Variants in ZC3H13 observed in about 807,000 individuals in gnomAD.
ZC3H13 encodes zinc finger CCCH domain-containing protein 13.
A neutral mutation model predicts 204.1 loss-of-function variants in ZC3H13; 64 were observed. The ratio of observed to expected loss-of-function variants is 0.31; its 90% CI spans 0.26 to 0.39. The LOEUF is 0.39. Ranked by LOEUF, ZC3H13 falls within the 10% of genes least tolerant of loss-of-function variation. The pLI, the probability that ZC3H13 is intolerant of heterozygous loss-of-function variation, is 1.00. For synonymous variants in ZC3H13, 667 were observed against 693.7 expected (o/e 0.96, Z 0.60); for missense variants, 1,833 against 2,082.7 (o/e 0.88, Z 2.33).
At chr13:45,988,290 C>T (rs1370283665) in intron 9 of ZC3H13, among the ~76,000 whole-genome samples, 1 of 152,102 alleles carries the variant, frequency 6.6e-6, no homozygotes, top group Non-Finnish European at 1.5e-5. Flanking sequence ...TGGAGTCTTG[C>T]ACTGTTGCCG....
At chr13:46,049,798 G>T (rs2044272610) in intron 1 of ZC3H13, among the ~76,000 whole-genome samples, 1 of 152,106 alleles carries the variant, frequency 6.6e-6, no homozygotes, top group South Asian at 2.1e-4. Flanking sequence ...ATGCTTCAAA[G>T]TATATGAGAA....
Position 45,969,625 on chromosome 13 carries a change from A to G in ZC3H13, c.2919T>C (p.Asp973=). The stretch of plus-strand genomic sequence containing the variant: ...TGTTACCCCTCTCTATTCCAACATC[A>G]TCCTCTTTCTTTTTCTTAATTGGTT... ...QKKPIKKKKE[D]DVGIERGNIE... The change falls in exon 14 of 19, where the codon GAT becomes GAC. Residue 973 remains aspartate, a synonymous_variant. Coordinates refer to ENST00000679008, the MANE Select transcript of ZC3H13 (RefSeq NM_001330564.2). 1 of 1,609,416 alleles carries G rather than the reference A, an allele frequency of 6.2e-7. No individual in the cohort carries two copies. The highest frequency in any genetic ancestry group is 8.5e-7 in the Non-Finnish European group (1 of 1,179,082).
At chr13:46,010,123 A>G (rs1375920182) in intron 7 of ZC3H13, 5 of 332,820 alleles carry the variant, frequency 1.5e-5, no homozygotes, top group Non-Finnish European at 1.6e-5. Context: ...TTTATTTCTT[A>G]AAAAATAAAA....
In ZC3H13 at chr13:46,008,787, T is replaced by C. The variant is rs191033291; in HGVS notation, c.746+1561A>G. Among the ~76,000 whole-genome samples, 55 of 152,296 alleles carry C rather than the reference T, an allele frequency of 3.6e-4. No individual in the cohort carries two copies. The South Asian group carries it at 9.5e-3, about 26-fold the overall frequency. On this transcript the variant is annotated intron_variant, in intron 7 of 18. Coordinates refer to ENST00000679008, the MANE Select transcript of ZC3H13 (RefSeq NM_001330564.2). The stretch of plus-strand genomic sequence containing the variant: ...CTCTGTTCATTCAACTTCTTCAATA[T>C]ACCTTTGCAATATTTACTCAATTGC...
At chr13:46,036,376 AAAAAGT>A (rs2043212271) in intron 4 of ZC3H13, among the ~76,000 whole-genome samples, 1 of 152,232 alleles carries the variant, frequency 6.6e-6, no homozygotes. Context: ...CTGAGAATTG[AAAAAGT>A]AATTTGAGTG....
chr13:46,012,711 A>G (rs1026833031), intron 5 of ZC3H13, among the ~76,000 whole-genome samples: 1 of 152,192 alleles, frequency 6.6e-6, no homozygotes, highest in Non-Finnish European at 1.5e-5. Flanking sequence ...TTCAGTCAGA[A>G]AGCAATTACT....
intron 4 of ZC3H13, among the ~76,000 whole-genome samples, chr13:46,028,487 T>G (rs2042680065): frequency 6.6e-6 from 1 of 152,184 alleles, no homozygotes; most frequent in African/African-American, 2.4e-5. Flanking sequence ...ATAGATGGCT[T>G]TATCTAACAA....
At chr13:46,019,279 T>A (rs956584156) in intron 5 of ZC3H13, among the ~76,000 whole-genome samples, 3 of 152,166 alleles carry the variant, frequency 2.0e-5, no homozygotes, top group Admixed American at 2.0e-4. Flanking sequence ...AAGACTCGAC[T>A]TGGCCACTGT....
intron 17 of ZC3H13, among the ~76,000 whole-genome samples, chr13:45,961,362 A>T (rs1479523604): frequency 6.6e-6 from 1 of 151,998 alleles, no homozygotes; most frequent in Non-Finnish European, 1.5e-5. Flanking sequence ...TACAAAACAC[A>T]TACCTGCAAA....
intron 4 of ZC3H13, among the ~76,000 whole-genome samples, chr13:46,021,137 T>C (rs760476573): frequency 9.9e-5 from 15 of 151,984 alleles, no homozygotes; most frequent in South Asian, 6.2e-4. Flanking sequence ...CATTTAATAG[T>C]ATTATAAAGG....
At position 45,969,180 on chromosome 13, in the gene ZC3H13, T is replaced by A. The variant is rs371143329; in HGVS notation, c.3364A>T (p.Thr1122Ser). Residue 1122 changes from threonine to serine, a missense_variant, in exon 14 of 19, where the codon ACT becomes TCT. This residue lies in a region of ZC3H13 where 1,574 missense variants were observed against 1,757.2 expected (regional missense o/e 0.90). Transcript: ENST00000679008. Reference protein sequence around the residue: ...ATTVPATLAATTAAAATSFST... With the variant: ...ATTVPATLAASTAAAATSFST... ...AAAGAGGTGGCGGCAGCAGCAGTAG[T>A]GGCAGCAAGAGTTGCAGGCACAGTT... is the stretch of plus-strand genomic sequence containing the variant. 2 of 1,613,818 alleles carry A rather than the reference T, an allele frequency of 1.2e-6. No individual in the cohort carries two copies. Among genetic ancestry groups the A allele is most frequent in the Non-Finnish European group, 1.7e-6 (2 of 1,179,984 alleles).
In ZC3H13 at chr13:45,969,177, T is replaced by C; in HGVS notation, c.3367A>G (p.Thr1123Ala). The change falls in exon 14 of 19, where the codon ACT becomes GCT. Residue 1123 changes from threonine (T) to alanine (A), a missense_variant. Around this residue, in one of 5 missense-constraint regions of ZC3H13, gnomAD observed 1,574 missense variants for 1,757.2 expected, o/e 0.90. Transcript: ENST00000679008. ...CTGAAAGAGGTGGCGGCAGCAGCAGTAGTGGCAGCAAGAGTTGCAGGCACA... is the reference window on the plus strand; with the variant it reads ...CTGAAAGAGGTGGCGGCAGCAGCAGCAGTGGCAGCAAGAGTTGCAGGCACA... ...TTVPATLAATTAAAATSFSTS... is the reference protein window; with the variant it reads ...TTVPATLAATAAAAATSFSTS... The C allele has an allele frequency of 1.9e-6, 3 of 1,614,028 alleles. No homozygotes were observed. Among genetic ancestry groups the C allele is most frequent in the Non-Finnish European group, 2.5e-6 (3 of 1,179,998 alleles).
Position 45,975,516 on chromosome 13 carries a change from C to G in ZC3H13, c.2235G>C (p.Arg745Ser). Reference sequence around the variant, plus strand: ...CTCTTTCTCGTTCCCGTTCTTTTTCCCTGTCTCGTTCCCTCTCTCTTTCCC... The same window carrying G: ...CTCTTTCTCGTTCCCGTTCTTTTTCGCTGTCTCGTTCCCTCTCTCTTTCCC... ...RERERERERDREKEREREREE... is the reference protein window; with the variant it reads ...RERERERERDSEKEREREREE... Residue 745 changes from arginine to serine, a missense_variant, in exon 12 of 19, where the codon AGG becomes AGC. Arg to Ser is a moderately radical substitution (Grantham distance 110). This residue lies in a region of ZC3H13 where 1,574 missense variants were observed against 1,757.2 expected (regional missense o/e 0.90). Coordinates refer to ENST00000679008, the MANE Select transcript of ZC3H13 (RefSeq NM_001330564.2). 3 of 1,609,574 alleles carry G rather than the reference C, an allele frequency of 1.9e-6. No individual in the cohort carries two copies. Among genetic ancestry groups the G allele is most frequent in the Non-Finnish European group, 2.5e-6 (3 of 1,178,144 alleles).
Position 46,042,169 on chromosome 13 carries a change from C to T in ZC3H13, c.334G>A (p.Val112Ile), listed in dbSNP as rs1566357595. 1.2e-6 allele frequency: 2 copies of T among 1,610,284 alleles called. No homozygotes were observed. The highest frequency in any genetic ancestry group is 1.7e-6 in the Non-Finnish European group (2 of 1,176,794). The change falls in exon 4 of 19, where the codon GTT becomes ATT. Residue 112 changes from valine to isoleucine, a missense_variant. Transcript: ENST00000679008. The part of the protein sequence containing the change: ...KRNTEESSSP[V>I]RKESSRGRHR... ...TTTGGGAAATTCAATCCTACCCTAA[C>T]AGGTGAGGATGACTCCTCTGTATTT... is the stretch of plus-strand genomic sequence containing the variant.
chr13:46,038,507 T>C (rs1164683938), intron 4 of ZC3H13, among the ~76,000 whole-genome samples: 1 of 152,048 alleles, frequency 6.6e-6, no homozygotes, highest in Non-Finnish European at 1.5e-5. Context: ...CACACTGGAG[T>C]TGACATCAGT....
intron 5 of ZC3H13, among the ~76,000 whole-genome samples, chr13:46,014,259 C>T (rs1288677267): frequency 1.3e-5 from 2 of 151,858 alleles, no homozygotes; most frequent in African/African-American, 4.8e-5. Context: ...GTGGTTTGTA[C>T]CTATAGGTAC....
chr13:45,965,524 A>G (rs1399183440), intron 15 of ZC3H13, 92 bp from the exon 16 acceptor site: 4 of 1,203,938 alleles, frequency 3.3e-6, no homozygotes, highest in Non-Finnish European at 4.4e-6. Context: ...ACACATTATA[A>G]CAATGTGAAA....
chr13:45,979,429 T>C (rs1953356634), intron 11 of ZC3H13, among the ~76,000 whole-genome samples: 1 of 152,162 alleles, frequency 6.6e-6, no homozygotes, highest in South Asian at 2.1e-4. Context: ...TAAAATTCTA[T>C]TGATCATAGC....
chr13:46,038,810 C>T (rs905786735), intron 4 of ZC3H13, among the ~76,000 whole-genome samples: 3 of 152,140 alleles, frequency 2.0e-5, no homozygotes, highest in African/African-American at 4.8e-5. Flanking sequence ...ATCACAAGGT[C>T]AGGAGTTCAA....
Sources: allele counts gnomAD v4.1 joint callset (sites outside exome capture counted in the v4.1 genomes callset), GRCh38; gene constraint gnomAD v4.1.1; regional missense constraint gnomAD v4.1.1; transcripts MANE v1.5; gene names NCBI Gene and HGNC (gene_info 2026-07-23, HGNC 2026-07-21).